TTLL1: variants seen among roughly 807,000 people sequenced by gnomAD.
The protein encoded by TTLL1 is polyglutamylase complex subunit TTLL1.
Under a neutral mutation model 47.8 loss-of-function variants are expected in TTLL1, and 33 were observed. The ratio of observed to expected loss-of-function variants is 0.69; its 90% CI spans 0.52 to 0.92. The LOEUF is 0.92. Ranked by LOEUF, TTLL1 falls within the 40% of genes least tolerant of loss-of-function variation. The probability of loss-of-function intolerance (pLI) is 0.00; values close to 1 mark genes in which losing one functional copy is unlikely to be tolerated. For synonymous variants in TTLL1, 225 were observed against 214.1 expected (o/e 1.05, Z -0.45); for missense variants, 488 against 547.5 (o/e 0.89, Z 1.08).
chr22:43,087,538 A>G lies in TTLL1; in HGVS notation c.-90+1739T>C, dbSNP rs557009515. ...GACTCCATCTCAAAAAAAAAAAAAA[A>G]AAGAAATACAGATTCTTAGCAGGGC... On this transcript the variant is annotated intron_variant, in intron 1 of 10. Transcript: ENST00000266254. 8.6e-5 allele frequency among the ~76,000 whole-genome samples: 13 copies of G among 151,296 alleles called. No homozygotes were observed. The East Asian group carries it at 1.4e-3, about 16-fold the overall frequency.
chr22:43,081,070 CA>C (rs1157012870), intron 1 of TTLL1, among the ~76,000 whole-genome samples: 24 of 151,814 alleles, frequency 1.6e-4, no homozygotes, highest in African/African-American at 5.6e-4. Context: ...AGCCCATCAC[CA>C]CGCCTGGTTA....
intron 3 of TTLL1, 65 bp downstream of exon 3, chr22:43,075,409 C>G: frequency 7.3e-7 from 1 of 1,369,692 alleles, no homozygotes. Context: ...CTGGGAGGCA[C>G]TGGAATTAGT....
chr22:43,076,752 AAATAAT>A (rs1019744158), intron 2 of TTLL1, among the ~76,000 whole-genome samples: 2 of 151,370 alleles, frequency 1.3e-5, no homozygotes, highest in African/African-American at 4.9e-5. Flanking sequence ...CTCCATCTCA[AAATAAT>A]AATAATAATA....
intron 5 of TTLL1, among the ~76,000 whole-genome samples, chr22:43,067,216 C>A (rs1927796658): frequency 6.6e-6 from 1 of 152,224 alleles, no homozygotes; most frequent in African/African-American, 2.4e-5. Flanking sequence ...ACTTGCTCGG[C>A]TGTGCCCATC....
chr22:43,085,676 T>A (rs920545968), intron 1 of TTLL1, among the ~76,000 whole-genome samples: 1 of 152,246 alleles, frequency 6.6e-6, no homozygotes, highest in African/African-American at 2.4e-5. Context: ...GTTTTGGGTA[T>A]GTCTTTATTA....
intron 5 of TTLL1, among the ~76,000 whole-genome samples, chr22:43,067,946 G>A (rs1220630647): frequency 6.6e-6 from 1 of 150,720 alleles, no homozygotes; most frequent in Admixed American, 6.6e-5. Flanking sequence ...TGGGATTACA[G>A]GCACCTGCCA....
rs1928833866 is a variant in TTLL1 at position 43,080,902 on chromosome 22, C to CTTTTTCTTT, written c.-89-917_-89-916insAAAGAAAAA. Among the ~76,000 whole-genome samples, 10 of 69,304 alleles carry CTTTTTCTTT rather than the reference C, an allele frequency of 1.4e-4. 1 individual carries two copies. Among genetic ancestry groups the CTTTTTCTTT allele is most frequent in the Admixed American group, 3.8e-4 (2 of 5,254 alleles). 45.5% of individuals were successfully genotyped at this position (69,304 alleles called of 152,430 possible). A position where few individuals can be genotyped will look rare whatever the true frequency, so the allele number is the denominator to read the frequency against. On this transcript the variant is annotated intron_variant, in intron 1 of 10. Coordinates refer to ENST00000266254, the MANE Select transcript of TTLL1 (RefSeq NM_012263.5). ...GTCACCTGTTCCCAGTGTTGCATGA[C>CTTTTTCTTT]TTTTTTTTTTTTTTTTTTTTTTTTT...
At chr22:43,075,360 T>C (rs1246089623) in intron 3 of TTLL1, 114 bp downstream of exon 3, 4 of 842,666 alleles carry the variant, frequency 4.7e-6, no homozygotes, top group Non-Finnish European at 5.9e-6. Context: ...TGCGGGGAGA[T>C]GGCACAATGA....
intron 2 of TTLL1, among the ~76,000 whole-genome samples, 189 bp from the exon 3 acceptor site, chr22:43,075,779 G>A (rs961233646): frequency 1.1e-4 from 16 of 152,266 alleles, no homozygotes; most frequent in African/African-American, 3.9e-4. Flanking sequence ...TCATGACCAG[G>A]GGATGCCTCT....
chr22:43,044,862 A>G (rs1312362625), intron 10 of TTLL1, among the ~76,000 whole-genome samples: 1 of 146,414 alleles, frequency 6.8e-6, no homozygotes, highest in Non-Finnish European at 1.5e-5. Flanking sequence ...CTCTGGGTCA[A>G]TCCTTTTTTT....
chr22:43,078,483 A>T (rs1928653639), intron 2 of TTLL1, among the ~76,000 whole-genome samples: 1 of 152,088 alleles, frequency 6.6e-6, no homozygotes, highest in South Asian at 2.1e-4. Flanking sequence ...GCGACACAGC[A>T]AGACTCTGTC....
At position 43,053,745 on chromosome 22, in the gene TTLL1, A is replaced by G. The variant is rs549129268; in HGVS notation, c.892-1858T>C. Among the ~76,000 whole-genome samples, 23 of 152,348 alleles carry G rather than the reference A, an allele frequency of 1.5e-4. 1 individual carries two copies. Among genetic ancestry groups the G allele is most frequent in the Admixed American group, 7.8e-4 (12 of 15,294 alleles). On this transcript the variant is annotated intron_variant, in intron 8 of 10. Transcript: ENST00000266254. Reference sequence around the variant, plus strand: ...ACTGAATAAATAAATTCCTGCTCCCAAAGCCTCACAGAGCCTTAGAAATCT... The same window carrying G: ...ACTGAATAAATAAATTCCTGCTCCCGAAGCCTCACAGAGCCTTAGAAATCT...
intron 3 of TTLL1, among the ~76,000 whole-genome samples, chr22:43,072,357 T>G (rs568944898): frequency 9.9e-5 from 15 of 152,252 alleles, no homozygotes; most frequent in Admixed American, 8.5e-4. Flanking sequence ...GGTTTCACTG[T>G]GTTAGCCTGG....
rs763315638 is a variant in TTLL1 at position 43,039,779 on chromosome 22, C to A, written c.1269G>T (p.Lys423Asn). The A allele has an allele frequency of 6.2e-7, 1 of 1,610,692 alleles. No individual in the cohort carries two copies. The highest frequency in any genetic ancestry group is 1.1e-5 in the South Asian group (1 of 90,886). ...DSGRAVLTTW[K>N] Reference sequence around the variant, plus strand: ...TTTGATAAGGTCCAGGTGGGACTCACTTCCAGGTGGTGAGGACCGCTCTCC... The same window carrying A: ...TTTGATAAGGTCCAGGTGGGACTCAATTCCAGGTGGTGAGGACCGCTCTCC... Residue 423 changes from lysine to asparagine, a missense_variant, in exon 11 of 11, where the codon AAG (lysine) becomes AAT (asparagine). By Grantham distance (94) the Lys-to-Asn change is moderately conservative (BLOSUM62 0). Coordinates refer to ENST00000266254, the MANE Select transcript of TTLL1 (RefSeq NM_012263.5).
chr22:43,046,351 T>C, intron 10 of TTLL1, 59 bp downstream of exon 10: 2 of 1,595,192 alleles, frequency 1.3e-6, no homozygotes, highest in Non-Finnish European at 8.6e-7. Flanking sequence ...CAAGCTGGGC[T>C]ATGGCACACG....
At chr22:43,083,380 C>T (rs1601708257) in intron 1 of TTLL1, among the ~76,000 whole-genome samples, 1 of 151,116 alleles carries the variant, frequency 6.6e-6, no homozygotes, top group South Asian at 2.1e-4. Flanking sequence ...AACAAACAGA[C>T]AAAAAACATA....
At chr22:43,088,309 C>A (rs1929372397) in intron 1 of TTLL1, among the ~76,000 whole-genome samples, 2 of 131,976 alleles carry the variant, frequency 1.5e-5, no homozygotes, top group African/African-American at 3.3e-5. Flanking sequence ...AATTTGAGGG[C>A]AGAGAAGGGC....
chr22:43,055,505 T>C (rs1373522431), intron 8 of TTLL1, among the ~76,000 whole-genome samples: 1 of 152,128 alleles, frequency 6.6e-6, no homozygotes, highest in African/African-American at 2.4e-5. Flanking sequence ...CTAATTTTTG[T>C]ATTTTTTGTA....
rs77133637 is a variant in TTLL1 at position 43,059,333 on chromosome 22, C to G, written c.891+51G>C. 79 of 1,571,580 alleles carry G rather than the reference C, an allele frequency of 5.0e-5. 1 individual carries two copies. The East Asian group carries it at 1.5e-3, about 29-fold the overall frequency. ...TTAACAGAAAGACAGCAAGCCCCCC[C>G]ACTCCCAAACGGGCCCTGGGAGCCG... On this transcript the variant is annotated intron_variant, in intron 8 of 10. Transcript: ENST00000266254.
Sources: gnomAD v4.1 joint callset for allele counts (sites outside exome capture counted in the v4.1 genomes callset) on GRCh38, gnomAD v4.1.1 for gene constraint, MANE v1.5 for transcripts, NCBI Gene and HGNC (gene_info 2026-07-23, HGNC 2026-07-21) for gene names.